Variants in SSX2IP observed in about 807,000 individuals in gnomAD.
SSX2IP encodes SSX family member 2 interacting protein, also known as afadin- and alpha-actinin-binding protein.
A neutral mutation model predicts 84.9 loss-of-function variants in SSX2IP; 55 were observed. The ratio of observed to expected loss-of-function variants is 0.65; its 90% CI spans 0.52 to 0.81. SSX2IP has a LOEUF of 0.81. Ranked by LOEUF, SSX2IP falls within the 30% of genes least tolerant of loss-of-function variation. The pLI is 0.00. For missense variants in SSX2IP, 664 were observed against 705.2 expected (o/e 0.94, Z 0.66); for synonymous variants, 239 against 234.7 (o/e 1.02, Z -0.17).
At chr1:84,658,893 C>T (rs977043976) in intron 8 of SSX2IP, among the ~76,000 whole-genome samples, 1 of 152,200 alleles carries the variant, frequency 6.6e-6, no homozygotes, top group African/African-American at 2.4e-5. Flanking sequence ...AAGAAATGCA[C>T]TTGTGAAATA....
chr1:84,676,714 T>C (rs1009891836), intron 1 of SSX2IP, among the ~76,000 whole-genome samples: 2 of 90,738 alleles, frequency 2.2e-5, no homozygotes, highest in Admixed American at 1.6e-4. Context: ...CTCTGTGCTC[T>C]TTTCCTTTTT....
At chr1:84,652,212 G>C in intron 11 of SSX2IP, 1 of 455,618 alleles carries the variant, frequency 2.2e-6, no homozygotes. Context: ...CACTTGAACT[G>C]AGGAGTTCCA....
chr1:84,657,810 A>G (rs556808989), intron 9 of SSX2IP, among the ~76,000 whole-genome samples: 1 of 152,326 alleles, frequency 6.6e-6, no homozygotes, highest in East Asian at 1.9e-4. Context: ...TATTTTTCTC[A>G]GTGAGGTTCA....
chr1:84,685,539 C>T (rs1343564516), intron 1 of SSX2IP, among the ~76,000 whole-genome samples: 1 of 152,192 alleles, frequency 6.6e-6, no homozygotes, highest in African/African-American at 2.4e-5. Context: ...ATGGAAGAAA[C>T]TGAGGCAACA....
intron 13 of SSX2IP, among the ~76,000 whole-genome samples, chr1:84,648,373 T>C (rs963524512): frequency 6.6e-6 from 1 of 152,218 alleles, no homozygotes; most frequent in East Asian, 1.9e-4. Context: ...ACGGATGTTG[T>C]TTAGTGGAGC....
At chr1:84,647,723 G>T in intron 13 of SSX2IP, 116 bp from the exon 14 acceptor site, 1 of 538,516 alleles carries the variant, frequency 1.9e-6, no homozygotes, top group Non-Finnish European at 2.7e-6. Context: ...AAAAATCTAG[G>T]CCAAAAATAT....
intron 1 of SSX2IP, among the ~76,000 whole-genome samples, chr1:84,686,786 T>A (rs1028080328): frequency 6.6e-6 from 1 of 152,208 alleles, no homozygotes; most frequent in Non-Finnish European, 1.5e-5. Context: ...TGGGCAGGTT[T>A]TGAATTTTAA....
intron 8 of SSX2IP, among the ~76,000 whole-genome samples, chr1:84,661,240 C>A (rs1367014241): frequency 2.0e-5 from 3 of 152,000 alleles, no homozygotes; most frequent in Non-Finnish European, 2.9e-5. Flanking sequence ...TGTTAACTAG[C>A]ATTTTCCATC....
At chr1:84,668,272 G>T (rs1230197495) in intron 4 of SSX2IP, among the ~76,000 whole-genome samples, 1 of 152,000 alleles carries the variant, frequency 6.6e-6, no homozygotes, top group African/African-American at 2.4e-5. Flanking sequence ...TGTGGCCAAG[G>T]GTTACAACTC....
At chr1:84,678,410 C>T (rs1654661354) in intron 1 of SSX2IP, among the ~76,000 whole-genome samples, 2 of 152,236 alleles carry the variant, frequency 1.3e-5, no homozygotes, top group Middle Eastern at 3.4e-3. Context: ...AGTGCACAAC[C>T]GCCATCCCCA....
chr1:84,666,837 C>T (rs1481584848), intron 4 of SSX2IP, among the ~76,000 whole-genome samples: 2 of 152,220 alleles, frequency 1.3e-5, no homozygotes, highest in East Asian at 1.9e-4. Context: ...TTCAACTTAT[C>T]GCATCTGAGG....
chr1:84,650,004 CA>C (rs1466672701), intron 13 of SSX2IP: 2 of 620,084 alleles, frequency 3.2e-6, no homozygotes, highest in East Asian at 3.3e-5. Context: ...ATGTACTCTA[CA>C]AAAACTGTCA....
Position 84,664,495 on chromosome 1 carries a change from T to A in SSX2IP, c.595A>T (p.Lys199Ter). Residue 199 changes from lysine (K) to a stop codon, truncating the protein, a stop_gained, in exon 6 of 14, where the codon AAG becomes TAG. Transcript: ENST00000342203. LOFTEE classifies it high-confidence loss of function. ...TTATTATATTCACGCTCTTTTCTCT[T>A]CATATCATGATTATACTGAGTAGCT... ...SRATQYNHDMKRKEREYNKLK... is the reference protein window; with the variant it reads ...SRATQYNHDM The A allele has an allele frequency of 6.2e-7, 1 of 1,605,566 alleles. No homozygotes were observed. The highest frequency in any genetic ancestry group is 8.5e-7 in the Non-Finnish European group (1 of 1,176,894).
chr1:84,656,563 A>G, intron 9 of SSX2IP, 79 bp from the exon 10 acceptor site: 1 of 1,265,120 alleles, frequency 7.9e-7, no homozygotes, highest in Middle Eastern at 2.0e-4. Context: ...TCTTTAAAAC[A>G]AGGGCTCTCA....
At chr1:84,688,206 C>T (rs1183816854) in intron 1 of SSX2IP, among the ~76,000 whole-genome samples, 2 of 152,182 alleles carry the variant, frequency 1.3e-5, no homozygotes, top group Non-Finnish European at 2.9e-5. Context: ...TTCATTACTA[C>T]TAATGAATGG....
intron 1 of SSX2IP, among the ~76,000 whole-genome samples, chr1:84,689,516 T>C (rs1656282181): frequency 6.6e-6 from 1 of 152,212 alleles, no homozygotes; most frequent in South Asian, 2.1e-4. Context: ...AAAAGAGAAA[T>C]CTCAATTCTC....
At chr1:84,669,596 C>A in intron 4 of SSX2IP, 85 bp downstream of exon 4, 1 of 1,157,502 alleles carries the variant, frequency 8.6e-7, no homozygotes, top group Non-Finnish European at 1.2e-6. Context: ...TTAAGAAAAC[C>A]CTGAAATATT....
chr1:84,667,818 T>C (rs1299068630), intron 4 of SSX2IP, among the ~76,000 whole-genome samples: 2 of 152,140 alleles, frequency 1.3e-5, no homozygotes, highest in Non-Finnish European at 2.9e-5. Context: ...CAATCTCAGA[T>C]CAGGTGTTAC....
At position 84,670,637 on chromosome 1, in the gene SSX2IP, A is replaced by G. The variant is rs983136299; in HGVS notation, c.213+9T>C. 1.3e-6 allele frequency: 2 copies of G among 1,557,052 alleles called. No individual in the cohort carries two copies. The highest frequency in any genetic ancestry group is 1.4e-5 in the African/African-American group (1 of 72,736). The stretch of plus-strand genomic sequence containing the variant: ...ATTTATGCTACTGTTTTTTACAAAA[A>G]CATGTTACCTGATCAAGATATGAGA... On this transcript the variant is annotated intron_variant, in intron 3 of 13. Coordinates refer to ENST00000342203, the MANE Select transcript of SSX2IP (RefSeq NM_001166293.2).
Sources: allele counts gnomAD v4.1 joint callset (sites outside exome capture counted in the v4.1 genomes callset), GRCh38; gene constraint gnomAD v4.1.1; transcripts MANE v1.5; gene names NCBI Gene and HGNC (gene_info 2026-07-23, HGNC 2026-07-21).